PTPRT: variants seen among roughly 807,000 people sequenced by gnomAD.
The protein encoded by PTPRT is protein tyrosine phosphatase receptor type T, also known as receptor-type tyrosine-protein phosphatase T.
A neutral mutation model predicts 176.8 loss-of-function variants in PTPRT; 56 were observed. The ratio of observed to expected loss-of-function variants is 0.32; its 90% CI spans 0.26 to 0.40. PTPRT has a LOEUF of 0.40. Among genes scored for constraint, PTPRT ranks in the 10% least tolerant of loss-of-function variants. The pLI is 1.00. For synonymous variants in PTPRT, 783 were observed against 739.0 expected, an observed-to-expected ratio of 1.06 and a Z score of -0.96; for missense variants, 1,540 against 1,908.2, an observed-to-expected ratio of 0.81 and a Z score of 3.60.
At chr20:42,274,867 C>G (rs1273112077) in intron 13 of PTPRT, among the ~76,000 whole-genome samples, 2 of 152,116 alleles carry the variant, frequency 1.3e-5, no homozygotes, top group African/African-American at 4.8e-5. Flanking sequence ...CCATCACATG[C>G]TAAATATTCT....
chr20:42,282,506 A>G lies in PTPRT; in HGVS notation c.2159T>C (p.Val720Ala). The G allele has an allele frequency of 6.2e-7, 1 of 1,611,114 alleles. No homozygotes were observed. Among genetic ancestry groups the G allele is most frequent in the South Asian group, 1.1e-5 (1 of 90,584 alleles). ...CAACATACCTTTTGTAGCCAGACGAACACAGTTGATTTTGGTCTCCTGTGA... is the reference window on the plus strand; with the variant it reads ...CAACATACCTTTTGTAGCCAGACGAGCACAGTTGATTTTGGTCTCCTGTGA... ...KANGETKINC[V>A]RLATKGASTQ... The change falls in exon 13 of 31, where the codon GTT becomes GCT. Residue 720 changes from valine (V) to alanine (A), a missense_variant. Val to Ala is a moderately conservative substitution (Grantham distance 64, BLOSUM62 0). This residue lies in a region of PTPRT where 255 missense variants were observed against 250.1 expected (regional missense o/e 1.02). Coordinates refer to ENST00000373187, the MANE Select transcript of PTPRT (RefSeq NM_007050.6).
At chr20:42,733,530 T>A (rs57104234) in intron 6 of PTPRT, among the ~76,000 whole-genome samples, 2,923 of 152,240 alleles carry the variant, frequency 0.019, 110 homozygotes, top group African/African-American at 0.066. Context: ...AGGCCCTGGG[T>A]CTTTTGCTGG....
chr20:42,250,013 A>G (rs971915940), intron 13 of PTPRT, among the ~76,000 whole-genome samples: 8 of 152,262 alleles, frequency 5.3e-5, no homozygotes, highest in South Asian at 2.1e-4. Flanking sequence ...CATCTACATC[A>G]GCTCACTCTT....
intron 1 of PTPRT, among the ~76,000 whole-genome samples, chr20:43,136,377 G>A (rs2013834042): frequency 6.6e-6 from 1 of 152,196 alleles, no homozygotes; most frequent in African/African-American, 2.4e-5. Flanking sequence ...CATAGTAGGT[G>A]CTCAATAAAT....
intron 1 of PTPRT, chr20:42,969,417 G>A (rs932591945): frequency 2.0e-5 from 3 of 152,188 alleles, no homozygotes; most frequent in African/African-American, 7.2e-5. Context: ...CCAAAGTCCA[G>A]CCAGTACCAC....
chr20:42,807,357 A>C (rs2077626122), intron 2 of PTPRT, among the ~76,000 whole-genome samples: 1 of 152,120 alleles, frequency 6.6e-6, no homozygotes, highest in Non-Finnish European at 1.5e-5. Flanking sequence ...TGTTGCTATG[A>C]TCTGATGCTT....
In PTPRT at chr20:42,666,584, G is replaced by A. The variant is rs545657098; in HGVS notation, c.1153+11282C>T. Among the ~76,000 whole-genome samples, 6 of 152,204 alleles carry A rather than the reference G, an allele frequency of 3.9e-5. No homozygotes were observed. In the South Asian group the frequency reaches 1.2e-3, roughly 32 times the overall value. On this transcript the variant is annotated intron_variant, in intron 7 of 30. Transcript: ENST00000373187. ...TCCCATTAAGATTTTGATTAGAACT[G>A]TATTAAACCCATCAATTAATTTGGG...
intron 2 of PTPRT, among the ~76,000 whole-genome samples, chr20:42,841,237 G>C (rs769086041): frequency 1.3e-5 from 2 of 152,230 alleles, no homozygotes; most frequent in Admixed American, 6.5e-5. Flanking sequence ...ATGAGTCAAA[G>C]CTCCTTTAAA....
At chr20:42,845,277 G>A (rs988719551) in intron 2 of PTPRT, among the ~76,000 whole-genome samples, 14 of 97,358 alleles carry the variant, frequency 1.4e-4, no homozygotes, top group Non-Finnish European at 2.9e-4. Flanking sequence ...GTCTTGTGTG[G>A]TAATGGCCAA....
At chr20:42,250,476 C>A (rs2056532355) in intron 13 of PTPRT, among the ~76,000 whole-genome samples, 1 of 152,122 alleles carries the variant, frequency 6.6e-6, no homozygotes, top group Non-Finnish European at 1.5e-5. Flanking sequence ...TTTAAGCCCT[C>A]CAGCACATTG....
At chr20:42,631,379 A>T (rs1376407284) in intron 7 of PTPRT, among the ~76,000 whole-genome samples, 1 of 144,426 alleles carries the variant, frequency 6.9e-6, no homozygotes, top group African/African-American at 2.6e-5. Context: ...AGAAGTAACA[A>T]AATGATCTAC....
At chr20:42,193,773 C>T (rs979634) in intron 16 of PTPRT, among the ~76,000 whole-genome samples, 86,677 of 152,026 alleles carry the variant, frequency 0.57, 25,020 homozygotes, top group African/African-American at 0.6. Context: ...ATTATCAGAG[C>T]GCATATTTTA....
At chr20:42,806,240 C>T (rs1015094849) in intron 2 of PTPRT, among the ~76,000 whole-genome samples, 10 of 152,244 alleles carry the variant, frequency 6.6e-5, no homozygotes, top group African/African-American at 2.4e-4. Context: ...AATCCCAGCA[C>T]TTTGGGAGTC....
At chr20:42,551,041 A>C (rs1178705807) in intron 7 of PTPRT, among the ~76,000 whole-genome samples, 1 of 152,138 alleles carries the variant, frequency 6.6e-6, no homozygotes, top group African/African-American at 2.4e-5. Flanking sequence ...CCTGGTGTAT[A>C]AATTGGGGTA....
chr20:42,711,393 G>T (rs1050677636), intron 6 of PTPRT, among the ~76,000 whole-genome samples: 1 of 152,082 alleles, frequency 6.6e-6, no homozygotes, highest in Admixed American at 6.5e-5. Flanking sequence ...CCTCATGAAT[G>T]TCTTAAGGCT....
chr20:42,273,335 C>A (rs1342154570), intron 13 of PTPRT, among the ~76,000 whole-genome samples: 1 of 152,190 alleles, frequency 6.6e-6, no homozygotes, highest in Non-Finnish European at 1.5e-5. Context: ...CCTGCCTCAA[C>A]CTCCTGAGTA....
At position 42,133,595 on chromosome 20, in the gene PTPRT, T is replaced by C. The variant is rs192869086; in HGVS notation, c.2771-4765A>G. On this transcript the variant is annotated intron_variant, in intron 18 of 30. Transcript: ENST00000373187. The stretch of plus-strand genomic sequence containing the variant: ...TGTTTAAGGCCGTGAAACTATTCTA[T>C]ACAATAGTGCAATAGTAGATATATG... Among the ~76,000 whole-genome samples the C allele has an allele frequency of 4.0e-3, 602 of 152,318 alleles. 4 individuals are homozygous for C. Among genetic ancestry groups the C allele is most frequent in the African/African-American group, 0.014 (562 of 41,580 alleles).
At chr20:42,932,608 A>G (rs923589224) in intron 1 of PTPRT, among the ~76,000 whole-genome samples, 3 of 152,148 alleles carry the variant, frequency 2.0e-5, no homozygotes, top group Admixed American at 1.3e-4. Flanking sequence ...TGGGTGACCA[A>G]CGTGTCCCAG....
At chr20:42,769,904 A>G (rs6065536) in intron 5 of PTPRT, among the ~76,000 whole-genome samples, 37,737 of 151,984 alleles carry the variant, frequency 0.25, 5,270 homozygotes, top group African/African-American at 0.38. Flanking sequence ...TCTAGAACAT[A>G]TAAGCTAATA....
Sources: gnomAD v4.1 joint callset for allele counts (sites outside exome capture counted in the v4.1 genomes callset) on GRCh38, gnomAD v4.1.1 for gene constraint, gnomAD v4.1.1 regional missense constraint, MANE v1.5 for transcripts, NCBI Gene and HGNC (gene_info 2026-07-23, HGNC 2026-07-21) for gene names.